Variants in SRD5A2 observed in about 807,000 individuals in gnomAD.
SRD5A2 encodes steroid 5 alpha-reductase 2, also known as 3-oxo-5-alpha-steroid 4-dehydrogenase 2.
SRD5A2 carries 30 observed loss-of-function variants against 27.4 expected under a neutral mutation model. The observed-to-expected ratio is 1.10, with a 90% CI of 0.82 to 1.49. SRD5A2 has a LOEUF of 1.49. Among genes scored for constraint, SRD5A2 ranks in the 40% most tolerant of loss-of-function variants. SRD5A2 has a pLI of 0.00. For missense variants in SRD5A2, 348 were observed against 323.4 expected (o/e 1.08, Z -0.58); for synonymous variants, 141 against 133.6 (o/e 1.06, Z -0.38).
At chr2:31,549,203 C>A (rs1249337569) in intron 1 of SRD5A2, among the ~76,000 whole-genome samples, 1 of 151,344 alleles carries the variant, frequency 6.6e-6, no homozygotes, top group Admixed American at 6.6e-5. Context: ...ACCGCCGCCT[C>A]CCAGGTCCAA....
At chr2:31,537,422 C>T (rs188238671) in intron 1 of SRD5A2, among the ~76,000 whole-genome samples, 17 of 152,240 alleles carry the variant, frequency 1.1e-4, no homozygotes, top group Admixed American at 3.3e-4. Context: ...CCACCAGAGA[C>T]CATCACATTC....
rs28383064 is a variant in SRD5A2, at chr2:31,529,411, G to A, written c.594C>T (p.Ile198=). 5,440 of 1,613,936 alleles carry A rather than the reference G, an allele frequency of 3.4e-3. 22 individuals carry two copies. The highest frequency in any genetic ancestry group is 4.0e-3 in the Non-Finnish European group (4,721 of 1,179,822). ...CCAGGGCATAGCCGATCCATTCAAT[G>A]ATCTCACCGAGGAAATTGGCTCCAG... ...YVSGANFLGE[I]IEWIGYALAT... Residue 198 remains isoleucine (I), a synonymous_variant, in exon 4 of 5, where the codon ATC becomes ATT. Transcript: ENST00000622030.
At chr2:31,651,563 T>A in the SRD5A2 span, 1 of 172,786 alleles carries the variant, frequency 5.8e-6, no homozygotes, top group South Asian at 1.6e-4. Context: ...CCAAGAAAAT[T>A]GCTAAGACAA....
chr2:31,594,663 C>T, the SRD5A2 span, among the ~76,000 whole-genome samples: 1 of 151,916 alleles, frequency 6.6e-6, no homozygotes, highest in African/African-American at 2.4e-5. Context: ...GACAGAAAGT[C>T]AACAAAAAAA....
At position 31,526,104 on chromosome 2, in the gene SRD5A2, C is replaced by CATATATATATATATATATATAT. The variant is rs1491224935; in HGVS notation, c.*91_*92insATATATATATATATATATATAT. 2.5e-5 allele frequency: 20 copies of CATATATATATATATATATATAT among 797,342 alleles called. No homozygotes were observed. The highest frequency in any genetic ancestry group is 1.1e-4 in the East Asian group (4 of 35,902). 49.4% of individuals were successfully genotyped at this position (797,342 alleles called of 1,614,324 possible). A position where few individuals can be genotyped will look rare whatever the true frequency, so the allele number is the denominator to read the frequency against. On this transcript the variant is annotated 3_prime_UTR_variant, in exon 5 of 5. Coordinates refer to ENST00000622030, the MANE Select transcript of SRD5A2 (RefSeq NM_000348.4). ...CAGGAGACCTACTATTACATATATA[C>CATATATATATATATATATATAT]GGGACTATTATATCATGAAAATTAC...
At chr2:31,629,744 G>A in the SRD5A2 span, among the ~76,000 whole-genome samples, 4 of 152,210 alleles carry the variant, frequency 2.6e-5, no homozygotes, top group East Asian at 1.9e-4. Flanking sequence ...TTGCCCATGC[G>A]TGCACCCCTA....
the SRD5A2 span, among the ~76,000 whole-genome samples, chr2:31,634,087 C>A: frequency 6.6e-6 from 1 of 152,004 alleles, no homozygotes; most frequent in Non-Finnish European, 1.5e-5. Flanking sequence ...AAGCCAGCAA[C>A]AGCAACCCCT....
At chr2:31,549,670 T>C (rs1468253407) in intron 1 of SRD5A2, among the ~76,000 whole-genome samples, 1 of 152,136 alleles carries the variant, frequency 6.6e-6, no homozygotes, top group African/African-American at 2.4e-5. Context: ...GATAAAATGG[T>C]AAGTTAACCA....
the SRD5A2 span, among the ~76,000 whole-genome samples, chr2:31,642,112 G>C: frequency 1.3e-5 from 2 of 152,038 alleles, no homozygotes; most frequent in Non-Finnish European, 2.9e-5. Context: ...GATCAACTGA[G>C]ACAGACAAAG....
intron 1 of SRD5A2, among the ~76,000 whole-genome samples, chr2:31,542,710 C>A (rs1440869213): frequency 1.3e-5 from 2 of 151,862 alleles, no homozygotes; most frequent in Non-Finnish European, 2.9e-5. Context: ...AATCAGAGAA[C>A]TCAAAGATAA....
At chr2:31,544,700 T>C (rs1666207437) in intron 1 of SRD5A2, among the ~76,000 whole-genome samples, 1 of 151,494 alleles carries the variant, frequency 6.6e-6, no homozygotes, top group African/African-American at 2.4e-5. Context: ...TAATTAAGAT[T>C]AGAACAAAGA....
chr2:31,580,607 G>A lies in SRD5A2; in HGVS notation c.281+13C>T, dbSNP rs61750391. On this transcript the variant is annotated intron_variant, in intron 1 of 4. Transcript: ENST00000622030. ...GTGCGCTGCACTGGGCGCCCGCAAG[G>A]GAAAAACGCTACCTGTGGAAGTAAT... 1 of 1,530,680 alleles carries A rather than the reference G, an allele frequency of 6.5e-7. No homozygotes were observed. The highest frequency in any genetic ancestry group is 1.4e-5 in the African/African-American group (1 of 73,082). The allele number at this position is 1,530,680 out of a possible 1,614,324, so 94.8% of individuals were successfully genotyped here.
chr2:31,625,155 CT>C, the SRD5A2 span, among the ~76,000 whole-genome samples: 1 of 152,156 alleles, frequency 6.6e-6, no homozygotes, highest in Non-Finnish European at 1.5e-5. Flanking sequence ...GTACAAATGT[CT>C]TCTTTTGAGA....
chr2:31,643,028 C>A, the SRD5A2 span, among the ~76,000 whole-genome samples: 1 of 151,982 alleles, frequency 6.6e-6, no homozygotes, highest in East Asian at 1.9e-4. Flanking sequence ...GCAGGAGGGA[C>A]ACTGCATGGG....
intron 1 of SRD5A2, among the ~76,000 whole-genome samples, chr2:31,574,203 A>G (rs182209019): frequency 4.6e-4 from 70 of 152,324 alleles, no homozygotes; most frequent in African/African-American, 1.7e-3. Flanking sequence ...AAAGAGTGAG[A>G]AGCACACAAT....
At chr2:31,658,556 T>TA in the SRD5A2 span, among the ~76,000 whole-genome samples, 807 of 139,312 alleles carry the variant, frequency 5.8e-3, 7 homozygotes, top group African/African-American at 0.015. Flanking sequence ...CCCACAGAAA[T>TA]AAAAAAAAAA....
At chr2:31,573,342 G>A (rs1666890019) in intron 1 of SRD5A2, among the ~76,000 whole-genome samples, 1 of 152,150 alleles carries the variant, frequency 6.6e-6, no homozygotes, top group African/African-American at 2.4e-5. Context: ...TGCACTGTTG[G>A]CCCTAGTTCA....
At chr2:31,600,315 T>C in the SRD5A2 span, among the ~76,000 whole-genome samples, 5 of 152,108 alleles carry the variant, frequency 3.3e-5, no homozygotes, top group South Asian at 2.1e-4. Context: ...GTCTTTACGA[T>C]AGAATGATTT....
At chr2:31,528,971 G>A (rs191845735) in intron 4 of SRD5A2, among the ~76,000 whole-genome samples, 26 of 152,286 alleles carry the variant, frequency 1.7e-4, no homozygotes, top group Admixed American at 1.6e-3. Flanking sequence ...CAGAGCCTGG[G>A]TCAGCTAACC....
Sources: gnomAD v4.1 joint callset for allele counts (sites outside exome capture counted in the v4.1 genomes callset) on GRCh38, gnomAD v4.1.1 for gene constraint, MANE v1.5 for transcripts, NCBI Gene and HGNC (gene_info 2026-07-23, HGNC 2026-07-21) for gene names.